The following RIC8B variants were observed in gnomAD, a reference collection of about 807,000 sequenced individuals.
The protein encoded by RIC8B is chaperone Ric-8B.
Under a neutral mutation model 57.5 loss-of-function variants are expected in RIC8B, and 16 were observed. The observed-to-expected ratio is 0.28, with a 90% CI of 0.19 to 0.42. The LOEUF is 0.42. RIC8B is among the 10% of genes least tolerant of loss of function. RIC8B has a pLI of 1.00. For synonymous variants in RIC8B, 216 were observed against 250.8 expected, an observed-to-expected ratio of 0.86 and a Z score of 1.31; for missense variants, 481 against 677.0, an observed-to-expected ratio of 0.71 and a Z score of 3.21.
chr12:106,855,637 A>C (rs1043477356), intron 7 of RIC8B, among the ~76,000 whole-genome samples: 1 of 152,162 alleles, frequency 6.6e-6, no homozygotes, highest in African/African-American at 2.4e-5. Context: ...ACACACTCCT[A>C]GATGTCCTTT....
intron 2 of RIC8B, among the ~76,000 whole-genome samples, chr12:106,812,588 G>A (rs905417050): frequency 6.6e-6 from 1 of 152,016 alleles, no homozygotes; most frequent in Non-Finnish European, 1.5e-5. Context: ...TCAACTTAAG[G>A]AGGATGGTAG....
chr12:106,800,419 C>G (rs188763155), intron 2 of RIC8B, among the ~76,000 whole-genome samples: 4 of 152,218 alleles, frequency 2.6e-5, no homozygotes, highest in Admixed American at 2.0e-4. Context: ...GAACTCAGGA[C>G]AGTACCAAGG....
In RIC8B at chr12:106,886,009, A is replaced by AGACT. The variant is rs1951170538; in HGVS notation, c.1678_1681dup (p.Ter561=). The AGACT allele has an allele frequency of 6.2e-7, 1 of 1,606,554 alleles. No homozygotes were observed. Among genetic ancestry groups the AGACT allele is most frequent in the African/African-American group, 1.3e-5 (1 of 74,774 alleles). On this transcript the variant is annotated frameshift_variant, in exon 10 of 10. Transcript: ENST00000392837. LOFTEE classifies it high-confidence loss of function. ...TCATCGAAGAGACCAGCTCTGACACAGACTAAAAGCATCACCTGCTCAACT... is the reference window on the plus strand; with the variant it reads ...TCATCGAAGAGACCAGCTCTGACACAGACTGACTAAAAGCATCACCTGCTCAACT...
At chr12:106,825,599 T>C (rs1339137082) in intron 3 of RIC8B, 127 bp from the exon 4 acceptor site, 2 of 638,872 alleles carry the variant, frequency 3.1e-6, no homozygotes, top group Non-Finnish European at 5.7e-6. Context: ...TCCTAGGATA[T>C]TCTGCCATCT....
chr12:106,830,359 G>T (rs571762820), intron 4 of RIC8B, among the ~76,000 whole-genome samples: 5 of 152,158 alleles, frequency 3.3e-5, no homozygotes, highest in African/African-American at 1.2e-4. Context: ...TATTAATTAA[G>T]CACTACTATG....
intron 2 of RIC8B, among the ~76,000 whole-genome samples, chr12:106,800,538 T>G (rs1023618834): frequency 2.6e-5 from 4 of 152,156 alleles, no homozygotes; most frequent in African/African-American, 9.7e-5. Context: ...ATCCAAACCA[T>G]ATCACTGTTC....
Position 106,849,541 on chromosome 12 carries a change from G to T in RIC8B, c.1162-1909G>T, listed in dbSNP as rs866709065. On this transcript the variant is annotated intron_variant, in intron 6 of 9. Transcript: ENST00000392837. ...AAGAAGGTTAGAAAAAAGAAACAAG[G>T]AATCAGTTATGGGTCCCACCAAGAC... Among the ~76,000 whole-genome samples the T allele has an allele frequency of 4.0e-5, 6 of 151,154 alleles. No individual in the cohort carries two copies. The South Asian group carries it at 1.3e-3, about 32-fold the overall frequency.
In RIC8B at chr12:106,886,096, A is replaced by T; in HGVS notation, c.*81A>T. On this transcript the variant is annotated 3_prime_UTR_variant, in exon 10 of 10. Coordinates refer to ENST00000392837, the MANE Select transcript of RIC8B (RefSeq NM_001330145.2). Reference sequence around the variant, plus strand: ...TCCAGGGGAATCTTTTCTCTAAAACATTTATGCCCTTGCTTTGGCTAGAAA... The same window carrying T: ...TCCAGGGGAATCTTTTCTCTAAAACTTTTATGCCCTTGCTTTGGCTAGAAA... 4.1e-6 allele frequency: 4 copies of T among 975,942 alleles called. No homozygotes were observed. Among genetic ancestry groups the T allele is most frequent in the African/African-American group, 3.2e-5 (2 of 62,252 alleles). 60.5% of individuals were successfully genotyped at this position (975,942 alleles called of 1,614,324 possible). A position where few individuals can be genotyped will look rare whatever the true frequency, so the allele number is the denominator to read the frequency against.
At chr12:106,840,597 CAGTG>C (rs1467235884) in intron 4 of RIC8B, among the ~76,000 whole-genome samples, 4 of 152,176 alleles carry the variant, frequency 2.6e-5, no homozygotes, top group African/African-American at 9.7e-5. Flanking sequence ...AGCTCAAACA[CAGTG>C]AGCCAGAAAA....
At chr12:106,780,007 C>G (rs1033016139) in intron 1 of RIC8B, among the ~76,000 whole-genome samples, 8 of 151,696 alleles carry the variant, frequency 5.3e-5, no homozygotes, top group African/African-American at 1.9e-4. Context: ...CAGTGCCCAG[C>G]CCTCAGGACT....
chr12:106,794,348 G>A (rs139030451), intron 2 of RIC8B, among the ~76,000 whole-genome samples: 1 of 152,202 alleles, frequency 6.6e-6, no homozygotes, highest in Non-Finnish European at 1.5e-5. Context: ...CACATAATGG[G>A]AATACCAGAA....
In RIC8B at chr12:106,826,070, C is replaced by T. The variant is rs144881188; in HGVS notation, c.836+250C>T. 5.2e-3 allele frequency among the ~76,000 whole-genome samples: 796 copies of T among 152,200 alleles called. 2 individuals are homozygous for T. The highest frequency in any genetic ancestry group is 8.9e-3 in the Non-Finnish European group (608 of 68,014). On this transcript the variant is annotated intron_variant, in intron 4 of 9. Coordinates refer to ENST00000392837, the MANE Select transcript of RIC8B (RefSeq NM_001330145.2). ...GAGAATTTGGCATTTGTTGCAAATG[C>T]CACAAATAGTTACTGTTCTTGGTTT...
chr12:106,798,519 A>G (rs1313855067), intron 2 of RIC8B, among the ~76,000 whole-genome samples: 1 of 152,162 alleles, frequency 6.6e-6, no homozygotes, highest in Non-Finnish European at 1.5e-5. Flanking sequence ...AGTGTCTTCC[A>G]GTACAGTATG....
chr12:106,879,565 ATGG>A lies in RIC8B; in HGVS notation c.1572-6336_1572-6334del. On this transcript the variant is annotated intron_variant, in intron 9 of 9. Coordinates refer to ENST00000392837, the MANE Select transcript of RIC8B (RefSeq NM_001330145.2). The surrounding 1 kb of genome is among the most constrained non-coding windows in gnomAD (Gnocchi z 4.9). Reference sequence around the variant, plus strand: ...AAAAACAGACCAGAATATTTTAAATATGGTGTAAATTCCGTATCTCCCATCCCT... The same window carrying A: ...AAAAACAGACCAGAATATTTTAAATATGTAAATTCCGTATCTCCCATCCCT... 6 of 985,176 alleles carry A rather than the reference ATGG, an allele frequency of 6.1e-6. No individual in the cohort carries two copies. Among genetic ancestry groups the A allele is most frequent in the Middle Eastern group, 5.2e-4 (1 of 1,914 alleles). 61.0% of individuals were successfully genotyped at this position (985,176 alleles called of 1,614,324 possible).
intron 2 of RIC8B, among the ~76,000 whole-genome samples, chr12:106,803,825 T>A (rs1377275417): frequency 6.6e-6 from 1 of 152,220 alleles, no homozygotes; most frequent in African/African-American, 2.4e-5. Flanking sequence ...TTTAAAATGT[T>A]GCTATTGGTT....
At chr12:106,783,422 TA>T (rs2043854850) in intron 1 of RIC8B, among the ~76,000 whole-genome samples, 1 of 152,230 alleles carries the variant, frequency 6.6e-6, no homozygotes, top group African/African-American at 2.4e-5. Flanking sequence ...TTTTCTGAAA[TA>T]TCAAACCATC....
At chr12:106,788,581 A>C (rs112964447) in intron 2 of RIC8B, among the ~76,000 whole-genome samples, 1 of 152,162 alleles carries the variant, frequency 6.6e-6, no homozygotes, top group Non-Finnish European at 1.5e-5. Flanking sequence ...CCAAACCTCA[A>C]TTCTTGACTT....
chr12:106,885,951 C>T lies in RIC8B; in HGVS notation c.1619C>T (p.Thr540Met), dbSNP rs535569865. The change falls in exon 10 of 10, where the codon ACG becomes ATG. Residue 540 changes from threonine (T) to methionine (M), a missense_variant. Around this residue, in one of 3 missense-constraint regions of RIC8B, gnomAD observed 43 missense variants for 99.8 expected, o/e 0.43. Transcript: ENST00000392837. ...GGACTAAAACCTGATGGGACAATAACGCCTTTGGAGGAAGCACTCAACCAG... is the reference window on the plus strand; with the variant it reads ...GGACTAAAACCTGATGGGACAATAATGCCTTTGGAGGAAGCACTCAACCAG... ...PMGLKPDGTI[T>M]PLEEALNQYS... The T allele has an allele frequency of 6.2e-5, 100 of 1,613,698 alleles. No individual in the cohort carries two copies. In the South Asian group the frequency reaches 6.4e-4, roughly 10 times the overall value.
intron 4 of RIC8B, among the ~76,000 whole-genome samples, chr12:106,832,378 G>C (rs560204962): frequency 1.0e-3 from 154 of 152,186 alleles, no homozygotes; most frequent in African/African-American, 3.5e-3. Flanking sequence ...GGCCAGCCTG[G>C]CCAACATGGT....
Sources: gnomAD v4.1 joint callset for allele counts (sites outside exome capture counted in the v4.1 genomes callset) on GRCh38, gnomAD v4.1.1 for gene constraint, gnomAD v4.1.1 regional missense constraint, Gnocchi (gnomAD v3.1) non-coding constraint, MANE v1.5 for transcripts, NCBI Gene and HGNC (gene_info 2026-07-23, HGNC 2026-07-21) for gene names.